The following TMEM131L variants were observed in gnomAD, a reference collection of about 807,000 sequenced individuals.
TMEM131L encodes the protein transmembrane protein 131-like.
Under a neutral mutation model 192.2 loss-of-function variants are expected in TMEM131L, and 54 were observed. The ratio of observed to expected loss-of-function variants is 0.28; its 90% CI spans 0.23 to 0.35. The LOEUF is 0.35. TMEM131L is among the 10% of genes least tolerant of loss of function. The pLI, the probability that TMEM131L is intolerant of heterozygous loss-of-function variation, is 1.00. For missense variants in TMEM131L, 1,888 were observed against 1,972.9 expected (o/e 0.96, Z 0.82); for synonymous variants, 701 against 704.9 (o/e 0.99, Z 0.09).
intron 7 of TMEM131L, among the ~76,000 whole-genome samples, chr4:153,569,454 C>A (rs2150592073): frequency 6.6e-6 from 1 of 152,348 alleles, no homozygotes; most frequent in Non-Finnish European, 1.5e-5. Context: ...ACATCTTCCT[C>A]TGTTTCCCCA....
intron 3 of TMEM131L, among the ~76,000 whole-genome samples, chr4:153,517,402 G>A (rs1431202108): frequency 4.6e-5 from 7 of 152,092 alleles, no homozygotes; most frequent in African/African-American, 4.8e-5. Context: ...GGCCCTGGGC[G>A]GGTTCCTAGG....
At chr4:153,538,862 T>G (rs750600238) in intron 3 of TMEM131L, among the ~76,000 whole-genome samples, 6 of 152,224 alleles carry the variant, frequency 3.9e-5, no homozygotes, top group Non-Finnish European at 7.3e-5. Flanking sequence ...GATCTCCTAC[T>G]CGTGGGACAA....
chr4:153,581,498 C>T lies in TMEM131L; in HGVS notation c.830C>T (p.Thr277Ile), dbSNP rs1157355032. Residue 277 changes from threonine (T) to isoleucine (I), a missense_variant, in exon 9 of 35, where the codon ACA becomes ATA. By Grantham distance (89) the Thr-to-Ile change is moderately conservative. Coordinates refer to ENST00000409959, the MANE Select transcript of TMEM131L (RefSeq NM_001131007.2). ...ENFSKEFEEN[T>I]QHLLDHLSIV... ...TTTTCAAAAGAATTTGAAGAAAACA[C>T]ACAACATTTGTTAGATCATCTCTCT... 6.2e-7 allele frequency: 1 copy of T among 1,604,310 alleles called. No homozygotes were observed. Among genetic ancestry groups the T allele is most frequent in the Non-Finnish European group, 8.5e-7 (1 of 1,174,382 alleles).
rs76955243 is a variant in TMEM131L at position 153,548,136 on chromosome 4, G to A, written c.240-1937G>A. Among the ~76,000 whole-genome samples, 890 of 152,144 alleles carry A rather than the reference G, an allele frequency of 5.8e-3. 8 individuals carry two copies. The highest frequency in any genetic ancestry group is 0.02 in the African/African-American group (822 of 41,508). Reference sequence around the variant, plus strand: ...TTCGTTACCACCTGTGGTTCTTCACGTCGTTTCCGGAGGCAACTTCTCTGC... The same window carrying A: ...TTCGTTACCACCTGTGGTTCTTCACATCGTTTCCGGAGGCAACTTCTCTGC... On this transcript the variant is annotated intron_variant, in intron 3 of 34. Coordinates refer to ENST00000409959, the MANE Select transcript of TMEM131L (RefSeq NM_001131007.2).
intron 2 of TMEM131L, among the ~76,000 whole-genome samples, chr4:153,468,438 AT>A (rs1386636224): frequency 1.4e-5 from 2 of 142,740 alleles, no homozygotes; most frequent in South Asian, 2.3e-4. Flanking sequence ...TCCCAAATGG[AT>A]TTTTTCCCCG....
chr4:153,502,871 A>T (rs1733710110), intron 3 of TMEM131L, among the ~76,000 whole-genome samples: 1 of 152,108 alleles, frequency 6.6e-6, no homozygotes, highest in Non-Finnish European at 1.5e-5. Flanking sequence ...TTTTCACATT[A>T]TTACCTTCTA....
intron 9 of TMEM131L, among the ~76,000 whole-genome samples, chr4:153,581,903 A>G (rs1730365179): frequency 1.3e-5 from 2 of 152,236 alleles, no homozygotes; most frequent in Non-Finnish European, 2.9e-5. Flanking sequence ...TGATTTGCCT[A>G]AGCTCATTTA....
At position 153,550,150 on chromosome 4, in the gene TMEM131L, C is replaced by A. The variant is rs962614295; in HGVS notation, c.308+9C>A. ...TTAGATTTTGGAATACAGTAAGTAT[C>A]TTTTCTTTATAATTAAAACTCATTT... On this transcript the variant is annotated intron_variant, in intron 4 of 34. Transcript: ENST00000409959. The A allele has an allele frequency of 6.7e-6, 8 of 1,188,436 alleles. No individual in the cohort carries two copies. Among genetic ancestry groups the A allele is most frequent in the Non-Finnish European group, 9.3e-6 (8 of 858,324 alleles). The allele number at this position is 1,188,436 out of a possible 1,614,324, so 73.6% of individuals were successfully genotyped here. A position where few individuals can be genotyped will look rare whatever the true frequency, so the allele number is the denominator to read the frequency against.
In TMEM131L at chr4:153,604,248, G is replaced by A; in HGVS notation, c.3236G>A (p.Gly1079Glu). ...TCTTCAGAATGTAGTATGAAGGAGG[G>A]AATACAGACATGTATGTTTCCTAAG... ...NPSSECSMKE[G>E]IQTCMFPKET... Residue 1079 changes from glycine to glutamate, a missense_variant, in exon 25 of 35, where the codon GGA becomes GAA. Transcript: ENST00000409959. 16 of 1,613,908 alleles carry A rather than the reference G, an allele frequency of 9.9e-6. No individual in the cohort carries two copies. Among genetic ancestry groups the A allele is most frequent in the Non-Finnish European group, 1.4e-5 (16 of 1,179,894 alleles).
chr4:153,632,039 C>T (rs1427561990), intron 31 of TMEM131L, among the ~76,000 whole-genome samples: 4 of 152,176 alleles, frequency 2.6e-5, no homozygotes, highest in African/African-American at 7.2e-5. Context: ...TTTGGCCAGG[C>T]GTGGTGGCTC....
At position 153,466,509 on chromosome 4, in the gene TMEM131L, G is replaced by T; in HGVS notation, c.112G>T (p.Ala38Ser). 1 of 1,398,816 alleles carries T rather than the reference G, an allele frequency of 7.1e-7. No individual in the cohort carries two copies. The highest frequency in any genetic ancestry group is 9.4e-7 in the Non-Finnish European group (1 of 1,067,014). 86.7% of individuals were successfully genotyped at this position (1,398,816 alleles called of 1,614,324 possible). The change falls in exon 1 of 35, where the codon GCT becomes TCT. Residue 38 changes from alanine (A) to serine (S), a missense_variant. Transcript: ENST00000409959. Reference sequence around the variant, plus strand: ...GCTGCCCTGCTGTCGCCCGGGAGGGGCTCAGGGACAAGGTCAGCCTTGCGC... The same window carrying T: ...GCTGCCCTGCTGTCGCCCGGGAGGGTCTCAGGGACAAGGTCAGCCTTGCGC... The part of the protein sequence containing the change: ...VLLPCCRPGG[A>S]QGQAIEPLPN...
intron 3 of TMEM131L, among the ~76,000 whole-genome samples, chr4:153,532,343 T>C (rs888676676): frequency 6.6e-6 from 1 of 151,068 alleles, no homozygotes; most frequent in Non-Finnish European, 1.5e-5. Flanking sequence ...TGTGAGAAGA[T>C]GCATCTGTAG....
intron 3 of TMEM131L, 142 bp from the exon 4 acceptor site, chr4:153,549,931 A>G: frequency 4.7e-6 from 2 of 428,480 alleles, no homozygotes; most frequent in Non-Finnish European, 8.5e-6. Context: ...CCAGACTTCT[A>G]ATAGTTCAAT....
At chr4:153,584,248 A>G (rs1273276399) in intron 11 of TMEM131L, among the ~76,000 whole-genome samples, 1 of 152,222 alleles carries the variant, frequency 6.6e-6, no homozygotes, top group Admixed American at 6.5e-5. Context: ...AACACCTGGA[A>G]GGATGTTGCA....
intron 3 of TMEM131L, among the ~76,000 whole-genome samples, chr4:153,537,189 T>TGAACTTCTGATCACAA (rs1199693773): frequency 6.6e-6 from 1 of 152,200 alleles, no homozygotes; most frequent in Non-Finnish European, 1.5e-5. Context: ...TAGTGGAAAC[T>TGAACTTCTGATCACAA]GAACTTCTGA....
At chr4:153,538,331 G>T (rs1001981285) in intron 3 of TMEM131L, among the ~76,000 whole-genome samples, 1 of 152,132 alleles carries the variant, frequency 6.6e-6, no homozygotes, top group Non-Finnish European at 1.5e-5. Flanking sequence ...GTCCCTGCAG[G>T]TCTAGTTACG....
chr4:153,544,752 G>A (rs1157250492), intron 3 of TMEM131L, among the ~76,000 whole-genome samples: 2 of 152,128 alleles, frequency 1.3e-5, no homozygotes, highest in Non-Finnish European at 2.9e-5. Context: ...GTGGGTTTTC[G>A]CTCTTCTGTT....
chr4:153,563,202 C>G (rs1728955883), intron 7 of TMEM131L, among the ~76,000 whole-genome samples: 1 of 152,062 alleles, frequency 6.6e-6, no homozygotes, highest in Non-Finnish European at 1.5e-5. Context: ...AAATGCTGAT[C>G]AGAGAAGGAA....
At chr4:153,602,772 T>G (rs1445872316) in intron 23 of TMEM131L, 45 bp downstream of exon 23, 1 of 1,565,652 alleles carries the variant, frequency 6.4e-7, no homozygotes, top group East Asian at 2.2e-5. Context: ...AGTAGAGAAG[T>G]CATCCAGGCA....
Sources: allele counts gnomAD v4.1 joint callset (sites outside exome capture counted in the v4.1 genomes callset), GRCh38; gene constraint gnomAD v4.1.1; transcripts MANE v1.5; gene names NCBI Gene and HGNC (gene_info 2026-07-23, HGNC 2026-07-21).